SCN9A: variants seen among roughly 807,000 people sequenced by gnomAD.
The protein encoded by SCN9A is sodium channel protein type 9 subunit alpha.
A neutral mutation model predicts 187.0 loss-of-function variants in SCN9A; 131 were observed. The ratio of observed to expected loss-of-function variants is 0.70; its 90% CI spans 0.61 to 0.81. The LOEUF (loss-of-function observed/expected upper bound fraction) is 0.81. Among genes scored for constraint, SCN9A ranks in the 30% least tolerant of loss-of-function variants. The pLI, the probability that SCN9A is intolerant of heterozygous loss-of-function variation, is 0.00. For synonymous variants in SCN9A, 809 were observed against 808.6 expected (o/e 1.00, Z -0.01); for missense variants, 2,252 against 2,396.6 (o/e 0.94, Z 1.26).
rs199986805 is a variant in SCN9A at position 166,288,543 on chromosome 2, A to G, written c.1208T>C (p.Met403Thr). 2.0e-5 allele frequency: 32 copies of G among 1,613,124 alleles called. No homozygotes were observed. The highest frequency in any genetic ancestry group is 1.8e-4 in the Admixed American group (11 of 59,972). ...TGCCTGGTTCTGTTCTTCATATGCCATGGCAACCACAGCCAGGATCAAGTT... is the reference window on the plus strand; with the variant it reads ...TGCCTGGTTCTGTTCTTCATATGCCGTGGCAACCACAGCCAGGATCAAGTT... ...LINLILAVVA[M>T]AYEEQNQANI... The change falls in exon 10 of 27, where the codon ATG becomes ACG. Residue 403 changes from methionine to threonine, a missense_variant. Coordinates refer to ENST00000642356, the MANE Select transcript of SCN9A (RefSeq NM_001365536.1).
chr2:166,200,624 C>A (rs1693463783), intron 26 of SCN9A, among the ~76,000 whole-genome samples: 1 of 152,052 alleles, frequency 6.6e-6, no homozygotes. Flanking sequence ...GTTATATAAG[C>A]TTTTTTTGTA....
intron 24 of SCN9A, among the ~76,000 whole-genome samples, chr2:166,217,949 T>C (rs973903463): frequency 2.0e-5 from 3 of 152,048 alleles, no homozygotes; most frequent in South Asian, 2.1e-4. Context: ...CAGCATTATT[T>C]ACAAGAACCA....
chr2:166,372,264 T>C (rs1335543471), intron 1 of SCN9A, among the ~76,000 whole-genome samples: 1 of 152,190 alleles, frequency 6.6e-6, no homozygotes, highest in Non-Finnish European at 1.5e-5. Context: ...CTTCAAATAT[T>C]TGGATAATGT....
Position 166,299,993 on chromosome 2 carries a change from C to T in SCN9A, c.901+3097G>A, listed in dbSNP as rs577043807. 2.7e-5 allele frequency among the ~76,000 whole-genome samples: 4 copies of T among 150,654 alleles called. No homozygotes were observed. In the South Asian group the frequency reaches 6.2e-4, roughly 23 times the overall value. On this transcript the variant is annotated intron_variant, in intron 7 of 26. Coordinates refer to ENST00000642356, the MANE Select transcript of SCN9A (RefSeq NM_001365536.1). ...TACAGACTTTGTATGTTGAGCTCAT[C>T]TTTTTTCTCTTCATTTCTCTGCCAT...
At chr2:166,215,337 T>C (rs934350777) in intron 24 of SCN9A, among the ~76,000 whole-genome samples, 1 of 151,878 alleles carries the variant, frequency 6.6e-6, no homozygotes, top group Non-Finnish European at 1.5e-5. Flanking sequence ...ATGCCTACAT[T>C]AAAGAAAGAA....
chr2:166,305,736 C>T, intron 5 of SCN9A, 56 bp downstream of exon 5: 1 of 1,609,984 alleles, frequency 6.2e-7, no homozygotes, highest in Non-Finnish European at 8.5e-7. Flanking sequence ...TATTGGAACA[C>T]TGTGCTGCCT....
At chr2:166,297,226 A>AAAAAAAAAAAAAAAAAAAAAAAAAAAAC (rs1698354384) in intron 7 of SCN9A, among the ~76,000 whole-genome samples, 1 of 143,088 alleles carries the variant, frequency 7.0e-6, no homozygotes, top group African/African-American at 2.6e-5. Flanking sequence ...AAAAAAAAAA[A>AAAAAAAAAAAAAAAAAAAAAAAAAAAAC]AGAACCATGA....
At chr2:166,229,890 C>T (rs1695007852) in intron 21 of SCN9A, among the ~76,000 whole-genome samples, 1 of 152,112 alleles carries the variant, frequency 6.6e-6, no homozygotes, top group Non-Finnish European at 1.5e-5. Context: ...TGTCATCTTA[C>T]ACTTCAGCTT....
Position 166,373,312 on chromosome 2 carries a change from CT to C in SCN9A, c.-51+2384del, listed in dbSNP as rs75006765. Among the ~76,000 whole-genome samples, 914 of 117,454 alleles carry C rather than the reference CT, an allele frequency of 7.8e-3. 1 individual carries two copies. Among genetic ancestry groups the C allele is most frequent in the South Asian group, 0.013 (40 of 3,024 alleles). 77.1% of individuals were successfully genotyped at this position (117,454 alleles called of 152,430 possible). A position where few individuals can be genotyped will look rare whatever the true frequency, so the allele number is the denominator to read the frequency against. On this transcript the variant is annotated intron_variant, in intron 1 of 26. Coordinates refer to ENST00000642356, the MANE Select transcript of SCN9A (RefSeq NM_001365536.1). The stretch of plus-strand genomic sequence containing the variant: ...TTCTTCTTCTCCTCTTCTTCTTCCT[CT>C]TTTTTTTTTTTTTTAAATGCAGTTG...
In SCN9A at chr2:166,198,634, C is replaced by T. The variant is rs1216845799; in HGVS notation, c.*38G>A. 2 of 1,424,490 alleles carry T rather than the reference C, an allele frequency of 1.4e-6. No homozygotes were observed. Among genetic ancestry groups the T allele is most frequent in the East Asian group, 2.3e-5 (1 of 42,758 alleles). 88.2% of individuals were successfully genotyped at this position (1,424,490 alleles called of 1,614,324 possible). Reference sequence around the variant, plus strand: ...GAGTTTTATTAACACAAATAAATCACTTTCACAGGCTGTAAACAATATATC... The same window carrying T: ...GAGTTTTATTAACACAAATAAATCATTTTCACAGGCTGTAAACAATATATC... On this transcript the variant is annotated 3_prime_UTR_variant, in exon 27 of 27. Transcript: ENST00000642356.
intron 24 of SCN9A, among the ~76,000 whole-genome samples, chr2:166,217,538 T>C (rs1694389883): frequency 6.6e-6 from 1 of 151,912 alleles, no homozygotes; most frequent in African/African-American, 2.4e-5. Flanking sequence ...AAACCAATTG[T>C]AGAATGGGCA....
intron 13 of SCN9A, among the ~76,000 whole-genome samples, chr2:166,280,865 A>C (rs1697453917): frequency 6.6e-6 from 1 of 152,214 alleles, no homozygotes; most frequent in South Asian, 2.1e-4. Context: ...AATGCACCTA[A>C]CATGTGATGG....
chr2:166,359,485 A>C (rs1700227329), intron 1 of SCN9A, among the ~76,000 whole-genome samples: 1 of 152,168 alleles, frequency 6.6e-6, no homozygotes, highest in Non-Finnish European at 1.5e-5. Flanking sequence ...TATGAAACCA[A>C]ATACTTTTCA....
Position 166,278,375 on chromosome 2 carries a change from A to ACACTGTTTGCTTAGCATTTACTGTGTGTG in SCN9A, c.2344-63_2344-62insCACACACAGTAAATGCTAAGCAAACAGTG, listed in dbSNP as rs1697331477. 28 of 1,291,652 alleles carry ACACTGTTTGCTTAGCATTTACTGTGTGTG rather than the reference A, an allele frequency of 2.2e-5. No individual in the cohort carries two copies. The South Asian group carries it at 3.2e-4, about 15-fold the overall frequency. The allele number at this position is 1,291,652 out of a possible 1,614,324, so 80.0% of individuals were successfully genotyped here. Reference sequence around the variant, plus strand: ...GAAAACAGGAAATCAACACAATGATAATAATCACTGTTTGCTTAGCATTTA... The same window carrying ACACTGTTTGCTTAGCATTTACTGTGTGTG: ...GAAAACAGGAAATCAACACAATGATACACTGTTTGCTTAGCATTTACTGTGTGTGATAATCACTGTTTGCTTAGCATTTA... On this transcript the variant is annotated intron_variant, in intron 14 of 26. Coordinates refer to ENST00000642356, the MANE Select transcript of SCN9A (RefSeq NM_001365536.1).
At chr2:166,349,994 AAAT>A (rs1699996546) in intron 1 of SCN9A, among the ~76,000 whole-genome samples, 1 of 87,816 alleles carries the variant, frequency 1.1e-5, no homozygotes, top group African/African-American at 5.7e-5. Flanking sequence ...AAAAAATAAA[AAAT>A]AAAAAATAAA....
At chr2:166,213,987 G>A (rs1694209323) in intron 24 of SCN9A, among the ~76,000 whole-genome samples, 2 of 152,096 alleles carry the variant, frequency 1.3e-5, no homozygotes, top group South Asian at 2.1e-4. Context: ...CTTCCCAAGG[G>A]TTGAGAAACT....
Position 166,286,617 on chromosome 2 carries a change from C to T in SCN9A, c.1321G>A (p.Ala441Thr). The T allele has an allele frequency of 6.5e-7, 1 of 1,543,082 alleles. No homozygotes were observed. The highest frequency in any genetic ancestry group is 8.7e-7 in the Non-Finnish European group (1 of 1,149,974). ...CTTGTATATTCAGCCGCTGCCGCTG[C>T]AATTGCCTGGTTGGGCCAAGACGTT... Reference protein sequence around the residue: ...KKEQEEAEAIAAAAAEYTSIR... With the variant: ...KKEQEEAEAITAAAAEYTSIR... The change falls in exon 11 of 27, where the codon GCA becomes ACA. Residue 441 changes from alanine to threonine, a missense_variant. Ala to Thr is a moderately conservative substitution (Grantham distance 58). Around this residue, in one of 7 missense-constraint regions of SCN9A, gnomAD observed 1,013 missense variants for 997.4 expected, o/e 1.02. Transcript: ENST00000642356.
intron 1 of SCN9A, among the ~76,000 whole-genome samples, chr2:166,315,242 GTAGAT>G (rs1176151572): frequency 6.6e-6 from 1 of 152,132 alleles, no homozygotes; most frequent in Non-Finnish European, 1.5e-5. Context: ...TGGTGTTTTT[GTAGAT>G]TCTACATTCA....
intron 18 of SCN9A, among the ~76,000 whole-genome samples, chr2:166,249,141 C>CT (rs1242490004): frequency 2.0e-5 from 3 of 152,074 alleles, no homozygotes; most frequent in Non-Finnish European, 2.9e-5. Context: ...ATTTTCTTTA[C>CT]ATCACGGAAG....
Sources: gnomAD v4.1 joint callset for allele counts (sites outside exome capture counted in the v4.1 genomes callset) on GRCh38, gnomAD v4.1.1 for gene constraint, gnomAD v4.1.1 regional missense constraint, MANE v1.5 for transcripts, NCBI Gene and HGNC (gene_info 2026-07-23, HGNC 2026-07-21) for gene names.